SPAG5: variants seen among roughly 807,000 people sequenced by gnomAD.
SPAG5 encodes the protein sperm associated antigen 5, also known as sperm-associated antigen 5.
SPAG5 carries 99 observed loss-of-function variants against 145.4 expected under a neutral mutation model. That is an observed-to-expected ratio of 0.68 (90% CI 0.58 to 0.80). The LOEUF (loss-of-function observed/expected upper bound fraction) is 0.80, where lower values mean the gene tolerates loss of function less well. Ranked by LOEUF, SPAG5 falls within the 30% of genes least tolerant of loss-of-function variation. SPAG5 has a pLI of 0.00. For missense variants in SPAG5, 1,192 were observed against 1,416.0 expected (o/e 0.84, Z 2.54); for synonymous variants, 477 against 525.4 (o/e 0.91, Z 1.26).
intron 2 of SPAG5, among the ~76,000 whole-genome samples, chr17:28,596,670 AAATTAATTAATT>A (rs199501465): frequency 6.6e-6 from 1 of 152,180 alleles, no homozygotes; most frequent in Non-Finnish European, 1.5e-5. Flanking sequence ...CTGCATCTCA[AAATTAATTAATT>A]AATTAATAAT....
chr17:28,594,422 C>T (rs1180248117), intron 2 of SPAG5, among the ~76,000 whole-genome samples: 1 of 152,006 alleles, frequency 6.6e-6, no homozygotes, highest in Non-Finnish European at 1.5e-5. Context: ...GATGAAACCC[C>T]GTCTCTACTA....
chr17:28,587,184 C>A (rs1379316209), intron 4 of SPAG5, among the ~76,000 whole-genome samples: 1 of 150,972 alleles, frequency 6.6e-6, no homozygotes, highest in Non-Finnish European at 1.5e-5. Flanking sequence ...GAGGCTGAGG[C>A]AGGAGGATCA....
In SPAG5 at chr17:28,578,940, C is replaced by T. The variant is rs546709029; in HGVS notation, c.3118-188G>A. ...GTGTTGGGAGAGCTCTGCTAGAGTTCCTGACTTCTCTCCTGAGTCAGCCTG... is the reference window on the plus strand; with the variant it reads ...GTGTTGGGAGAGCTCTGCTAGAGTTTCTGACTTCTCTCCTGAGTCAGCCTG... On this transcript the variant is annotated intron_variant, in intron 19 of 23. Coordinates refer to ENST00000321765, the MANE Select transcript of SPAG5 (RefSeq NM_006461.4). Among the ~76,000 whole-genome samples, 17 of 152,320 alleles carry T rather than the reference C, an allele frequency of 1.1e-4. No homozygotes were observed. In the South Asian group the frequency reaches 3.3e-3, roughly 30 times the overall value.
At chr17:28,590,150 G>C (rs1182871778) in intron 4 of SPAG5, among the ~76,000 whole-genome samples, 2 of 152,094 alleles carry the variant, frequency 1.3e-5, no homozygotes, top group African/African-American at 2.4e-5. Flanking sequence ...TAATGAAATC[G>C]ATGGAGATTC....
rs752096665 is a variant in SPAG5 at position 28,592,459 on chromosome 17, T to G, written c.785A>C (p.His262Pro). ...TACAATTTCCTCCTCTGGGTCCACA[T>G]GATTGACACGGAAATCTGCTGCCAA... ...TALAADFRVN[H>P]VDPEEEIVEH... The change falls in exon 3 of 24, where the codon CAT becomes CCT. Residue 262 changes from histidine (H) to proline (P), a missense_variant. Around this residue, in one of 5 missense-constraint regions of SPAG5, gnomAD observed 329 missense variants for 354.0 expected, o/e 0.93. Transcript: ENST00000321765. 6.2e-7 allele frequency: 1 copy of G among 1,613,780 alleles called. No homozygotes were observed. The highest frequency in any genetic ancestry group is 1.3e-5 in the African/African-American group (1 of 75,062).
chr17:28,587,470 C>T (rs2070593176), intron 4 of SPAG5, among the ~76,000 whole-genome samples: 1 of 151,664 alleles, frequency 6.6e-6, no homozygotes, highest in East Asian at 1.9e-4. Context: ...CACTTGAAAC[C>T]GGGAGGCAAG....
rs1377501772 is a variant in SPAG5 at position 28,577,951 on chromosome 17, TC to T, written c.3510+58del. ...AACCAGATCTGTGCTCATTAGTACCTCCTGGGGCCAGGCCTTGTACCAGGTT... is the reference window on the plus strand; with the variant it reads ...AACCAGATCTGTGCTCATTAGTACCTCTGGGGCCAGGCCTTGTACCAGGTT... On this transcript the variant is annotated intron_variant, in intron 23 of 23. Coordinates refer to ENST00000321765, the MANE Select transcript of SPAG5 (RefSeq NM_006461.4). The T allele has an allele frequency of 6.9e-6, 10 of 1,450,000 alleles. No homozygotes were observed. The African/African-American group carries it at 1.4e-4, about 20-fold the overall frequency. The allele number at this position is 1,450,000 out of a possible 1,614,324, so 89.8% of individuals were successfully genotyped here.
At chr17:28,596,808 TAAAATTA>T (rs1201393583) in intron 2 of SPAG5, among the ~76,000 whole-genome samples, 1 of 151,946 alleles carries the variant, frequency 6.6e-6, no homozygotes, top group Non-Finnish European at 1.5e-5. Flanking sequence ...CTATTGAAAT[TAAAATTA>T]AAAATTCAGG....
intron 15 of SPAG5, 34 bp downstream of exon 15, chr17:28,583,477 T>C (rs764479710): frequency 1.3e-6 from 2 of 1,535,482 alleles, no homozygotes; most frequent in South Asian, 2.6e-5. Flanking sequence ...AAAGATACAA[T>C]TGGAAGAGAA....
chr17:28,586,318 C>A, intron 5 of SPAG5, 107 bp downstream of exon 5: 1 of 1,219,412 alleles, frequency 8.2e-7, no homozygotes, highest in South Asian at 1.2e-5. Context: ...TTGGAAACCT[C>A]CCTTCACCAC....
intron 4 of SPAG5, among the ~76,000 whole-genome samples, chr17:28,590,667 G>T (rs985175833): frequency 6.6e-6 from 1 of 151,768 alleles, no homozygotes; most frequent in African/African-American, 2.4e-5. Flanking sequence ...GCAGGAGTTC[G>T]AGACCAGCCT....
In SPAG5 at chr17:28,592,558, C is replaced by G. The variant is rs141766452; in HGVS notation, c.686G>C (p.Arg229Pro). ...ACTTTCAGAAGGTACTAAGTCCTCA[C>G]GCACAGCCTCAGTTCTACTGCTCAG... Reference protein sequence around the residue: ...ESLSSRTEAVREDLVPSESNA... With the variant: ...ESLSSRTEAVPEDLVPSESNA... The change falls in exon 3 of 24, where the codon CGT (arginine) becomes CCT (proline). Residue 229 changes from arginine (R) to proline (P), a missense_variant. By Grantham distance (103) the Arg-to-Pro change is moderately radical (BLOSUM62 -2). Coordinates refer to ENST00000321765, the MANE Select transcript of SPAG5 (RefSeq NM_006461.4). 2.6e-5 allele frequency: 42 copies of G among 1,614,108 alleles called. 1 individual carries two copies. The highest frequency in any genetic ancestry group is 2.2e-4 in the Admixed American group (13 of 60,002).
intron 18 of SPAG5, 41 bp from the exon 19 acceptor site, chr17:28,579,293 G>A (rs1347375743): frequency 6.2e-7 from 1 of 1,613,602 alleles, no homozygotes; most frequent in Middle Eastern, 1.7e-4. Context: ...TGTCCTCTCA[G>A]GGATCAGTTG....
At position 28,577,669 on chromosome 17, in the gene SPAG5, G is replaced by A; in HGVS notation, c.*30C>T. 1 of 1,559,054 alleles carries A rather than the reference G, an allele frequency of 6.4e-7. No individual in the cohort carries two copies. Among genetic ancestry groups the A allele is most frequent in the East Asian group, 2.2e-5 (1 of 44,610 alleles). The stretch of plus-strand genomic sequence containing the variant: ...GGTAAGGGGGTATTGCAGGTAAAAA[G>A]AGGTGAAGCAGATTCTGGCTTTCAG... On this transcript the variant is annotated 3_prime_UTR_variant, in exon 24 of 24. Transcript: ENST00000321765.
At chr17:28,586,023 T>A (rs747738964) in intron 6 of SPAG5, 25 bp from the exon 7 acceptor site, 5 of 1,614,204 alleles carry the variant, frequency 3.1e-6, no homozygotes, top group Non-Finnish European at 4.2e-6. Flanking sequence ...TCAGTTAATG[T>A]GTCTGGTTCC....
chr17:28,598,878 C>T lies in SPAG5; in HGVS notation c.51+18G>A. 6.2e-7 allele frequency: 1 copy of T among 1,613,872 alleles called. No homozygotes were observed. The highest frequency in any genetic ancestry group is 2.2e-5 in the East Asian group (1 of 44,874). On this transcript the variant is annotated intron_variant, in intron 1 of 23. Coordinates refer to ENST00000321765, the MANE Select transcript of SPAG5 (RefSeq NM_006461.4). ...AGCAGCCCGGCCCAGTTCTCTCCGC[C>T]AGAGATCTCCCGCTTACCGTCTGGG...
rs376110100 is a variant in SPAG5 at position 28,586,527 on chromosome 17, G to A, written c.1438-28C>T. 41 of 1,576,432 alleles carry A rather than the reference G, an allele frequency of 2.6e-5. No homozygotes were observed. The African/African-American group carries it at 5.4e-4, about 21-fold the overall frequency. The stretch of plus-strand genomic sequence containing the variant: ...AGCCAGAAAAACAGAGTTGTTCCTT[G>A]TTTTGTTTGTTTGTTTGTTTTTGAG... On this transcript the variant is annotated intron_variant, in intron 4 of 23. Transcript: ENST00000321765.
chr17:28,581,661 C>A (rs2070549667), intron 15 of SPAG5, among the ~76,000 whole-genome samples: 1 of 151,876 alleles, frequency 6.6e-6, no homozygotes, highest in African/African-American at 2.4e-5. Context: ...GTCCTCTCTC[C>A]AGTTCTCCCG....
At position 28,592,797 on chromosome 17, in the gene SPAG5, T is replaced by C; in HGVS notation, c.447A>G (p.Leu149=). The change falls in exon 3 of 24, where the codon TTA becomes TTG. Residue 149 remains leucine, a synonymous_variant. Coordinates refer to ENST00000321765, the MANE Select transcript of SPAG5 (RefSeq NM_006461.4). The part of the protein sequence containing the change: ...QQQDMIFEAR[L]DTMAETNSIS... ...TGCTGTTTGTCTCTGCCATGGTATC[T>C]AAACGGGCCTCAAATATCATGTCTT... 1 of 1,614,196 alleles carries C rather than the reference T, an allele frequency of 6.2e-7. No homozygotes were observed. The highest frequency in any genetic ancestry group is 8.5e-7 in the Non-Finnish European group (1 of 1,180,028).
Sources: allele counts gnomAD v4.1 joint callset (sites outside exome capture counted in the v4.1 genomes callset), GRCh38; gene constraint gnomAD v4.1.1; regional missense constraint gnomAD v4.1.1; transcripts MANE v1.5; gene names NCBI Gene and HGNC (gene_info 2026-07-23, HGNC 2026-07-21).